GRXCR2: variants seen among roughly 807,000 people sequenced by gnomAD.
The protein encoded by GRXCR2 is glutaredoxin and cysteine rich domain containing 2.
A neutral mutation model predicts 24.8 loss-of-function variants in GRXCR2; 23 were observed. The observed-to-expected ratio is 0.93, with a 90% CI of 0.67 to 1.32. The LOEUF (loss-of-function observed/expected upper bound fraction) is 1.32. Among genes scored for constraint, GRXCR2 ranks in the 40% most tolerant of loss-of-function variants. GRXCR2 has a pLI of 0.00. For synonymous variants in GRXCR2, 130 were observed against 116.1 expected (o/e 1.12, Z -0.77); for missense variants, 315 against 303.4 (o/e 1.04, Z -0.28).
chr5:145,904,062 G>A (rs1489080447), intron 2 of GRXCR2, among the ~76,000 whole-genome samples: 1 of 152,130 alleles, frequency 6.6e-6, no homozygotes, highest in Admixed American at 6.5e-5. Context: ...AGGCTGAGGA[G>A]GACTCCTAAC....
chr5:145,883,779 G>T (rs1314614363), intron 2 of GRXCR2, among the ~76,000 whole-genome samples: 1 of 152,036 alleles, frequency 6.6e-6, no homozygotes, highest in Non-Finnish European at 1.5e-5. Context: ...GCTATTCAGG[G>T]GGCTGAGGTG....
At chr5:145,891,350 G>A (rs1756862652) in intron 2 of GRXCR2, among the ~76,000 whole-genome samples, 1 of 152,218 alleles carries the variant, frequency 6.6e-6, no homozygotes, top group Non-Finnish European at 1.5e-5. Flanking sequence ...CCTCACCCAG[G>A]AAGTGCAAGG....
At chr5:145,879,107 C>T (rs1032150270) in intron 2 of GRXCR2, among the ~76,000 whole-genome samples, 4 of 152,132 alleles carry the variant, frequency 2.6e-5, no homozygotes, top group African/African-American at 9.7e-5. Context: ...TTGTAAAGAC[C>T]ATCAATGCTA....
chr5:145,923,591 G>T (rs115540055), intron 2 of GRXCR2, among the ~76,000 whole-genome samples: 5,456 of 152,216 alleles, frequency 0.036, 110 homozygotes, highest in African/African-American at 0.043. Flanking sequence ...AAATTGAGTG[G>T]TGCTAGTTGC....
At chr5:145,926,682 T>C (rs1202313642) in intron 2 of GRXCR2, among the ~76,000 whole-genome samples, 5 of 152,194 alleles carry the variant, frequency 3.3e-5, no homozygotes, top group Admixed American at 3.3e-4. Flanking sequence ...GCTTTGTTCT[T>C]TTGGCTTACG....
intron 2 of GRXCR2, among the ~76,000 whole-genome samples, chr5:145,886,797 A>G (rs1214475866): frequency 1.3e-5 from 2 of 152,192 alleles, no homozygotes; most frequent in African/African-American, 4.8e-5. Flanking sequence ...TATTTACTTA[A>G]TCCACTATAT....
intron 2 of GRXCR2, among the ~76,000 whole-genome samples, chr5:145,909,447 T>C (rs1757134440): frequency 6.6e-6 from 1 of 152,252 alleles, no homozygotes; most frequent in South Asian, 2.1e-4. Flanking sequence ...GTTGCCTCTA[T>C]CCAAGTATCC....
intron 2 of GRXCR2, among the ~76,000 whole-genome samples, chr5:145,861,266 A>G (rs1230093057): frequency 6.6e-6 from 1 of 152,196 alleles, no homozygotes; most frequent in Non-Finnish European, 1.5e-5. Context: ...ATTGTCACAT[A>G]GAAAGCAATC....
intron 2 of GRXCR2, among the ~76,000 whole-genome samples, chr5:145,901,142 A>C (rs935075908): frequency 2.8e-5 from 4 of 140,600 alleles, no homozygotes; most frequent in African/African-American, 1.0e-4. Flanking sequence ...ACTGGGGACT[A>C]CTAGAGGGGG....
chr5:145,891,412 G>A (rs977969852), intron 2 of GRXCR2, among the ~76,000 whole-genome samples: 1 of 152,166 alleles, frequency 6.6e-6, no homozygotes, highest in Admixed American at 6.5e-5. Context: ...GACAGCACCT[G>A]GAAAATTGGG....
chr5:145,913,067 A>C (rs55658462), intron 2 of GRXCR2, among the ~76,000 whole-genome samples: 1 of 152,210 alleles, frequency 6.6e-6, no homozygotes. Context: ...GATTTACAGA[A>C]AAGTGACAAA....
intron 2 of GRXCR2, among the ~76,000 whole-genome samples, chr5:145,905,645 A>C (rs921793617): frequency 3.3e-5 from 5 of 152,192 alleles, no homozygotes; most frequent in African/African-American, 1.2e-4. Context: ...GGAGGGAATA[A>C]ATAATTCCGA....
intron 2 of GRXCR2, among the ~76,000 whole-genome samples, chr5:145,928,144 A>T (rs1472126311): frequency 6.6e-6 from 1 of 152,012 alleles, no homozygotes; most frequent in Non-Finnish European, 1.5e-5. Flanking sequence ...CAACAGACAC[A>T]TGAAAAAATG....
At chr5:145,916,172 G>A (rs190418995) in intron 2 of GRXCR2, among the ~76,000 whole-genome samples, 5 of 152,184 alleles carry the variant, frequency 3.3e-5, no homozygotes, top group Admixed American at 2.6e-4. Flanking sequence ...CATGTGTGAC[G>A]AGAAAGAAAA....
intron 2 of GRXCR2, among the ~76,000 whole-genome samples, chr5:145,891,685 T>A (rs1756866484): frequency 6.6e-6 from 1 of 152,248 alleles, no homozygotes; most frequent in Middle Eastern, 3.4e-3. Flanking sequence ...CCTGCCTGCC[T>A]CTGTAGACTC....
chr5:145,872,932 C>T lies in GRXCR2; in HGVS notation c.37G>A (p.Asp13Asn). The part of the protein sequence containing the change: ...DPEKKLNQKS[D>N]GKPRKVRFKI... ...AATCGTACTTTCCGGGGTTTGCCAT[C>T]ACTCTTCTGATTCAGCTTTTTCTCA... The change falls in exon 1 of 3, where the codon GAT becomes AAT. Residue 13 changes from aspartate to asparagine, a missense_variant. Coordinates refer to ENST00000377976, the MANE Select transcript of GRXCR2 (RefSeq NM_001080516.2). The T allele has an allele frequency of 1.9e-6, 3 of 1,614,162 alleles. No homozygotes were observed. The highest frequency in any genetic ancestry group is 2.5e-6 in the Non-Finnish European group (3 of 1,179,996).
intron 2 of GRXCR2, among the ~76,000 whole-genome samples, chr5:145,862,918 C>T (rs181280144): frequency 1.2e-3 from 179 of 152,228 alleles, no homozygotes; most frequent in African/African-American, 4.0e-3. Flanking sequence ...TGGTGCCTGG[C>T]TATCATGAGT....
intron 2 of GRXCR2, among the ~76,000 whole-genome samples, chr5:145,914,615 G>C (rs1287589986): frequency 7.3e-6 from 1 of 136,160 alleles, no homozygotes; most frequent in Non-Finnish European, 1.5e-5. Context: ...GGTGAAGGTT[G>C]CAGTGAGCCG....
chr5:145,886,159 C>T (rs780158234), intron 2 of GRXCR2, among the ~76,000 whole-genome samples: 1 of 152,184 alleles, frequency 6.6e-6, no homozygotes, highest in Admixed American at 6.5e-5. Flanking sequence ...ATCAGTGCAG[C>T]CTCTTGGTGG....
Sources: allele counts gnomAD v4.1 joint callset (sites outside exome capture counted in the v4.1 genomes callset), GRCh38; gene constraint gnomAD v4.1.1; transcripts MANE v1.5; gene names NCBI Gene and HGNC (gene_info 2026-07-23, HGNC 2026-07-21).